DENND2B: variants seen among roughly 807,000 people sequenced by gnomAD.
The protein encoded by DENND2B is DENN domain-containing protein 2B.
In DENND2B, 32 loss-of-function variants were observed where a neutral mutation model predicts 116.0. The observed-to-expected ratio is 0.28, with a 90% CI of 0.21 to 0.37. The LOEUF (loss-of-function observed/expected upper bound fraction) is 0.37, where lower values mean the gene tolerates loss of function less well. Ranked by LOEUF, DENND2B falls within the 10% of genes least tolerant of loss-of-function variation. The probability of loss-of-function intolerance (pLI) is 1.00; values close to 1 mark genes in which losing one functional copy is unlikely to be tolerated. For synonymous variants in DENND2B, 588 were observed against 583.9 expected, an observed-to-expected ratio of 1.01 and a Z score of -0.10; for missense variants, 1,276 against 1,477.7, an observed-to-expected ratio of 0.86 and a Z score of 2.24.
upstream of DENND2B, among the ~76,000 whole-genome samples, chr11:8,873,340 C>G (rs1372654713): frequency 6.6e-6 from 1 of 152,176 alleles, no homozygotes; most frequent in Non-Finnish European, 1.5e-5. Flanking sequence ...GATATAAATA[C>G]TTGTTCTTTT....
At chr11:8,711,037 C>G in intron 10 of DENND2B, 85 bp downstream of exon 10, 2 of 1,559,036 alleles carry the variant, frequency 1.3e-6, no homozygotes, top group Non-Finnish European at 1.8e-6. Context: ...GAGGATGAGA[C>G]TAGAGCAGGC....
chr11:8,730,281 G>A lies in DENND2B; in HGVS notation c.1009C>T (p.Arg337Trp), dbSNP rs755172041. Residue 337 changes from arginine (R) to tryptophan (W), a missense_variant, in exon 3 of 20, where the codon CGG becomes TGG. Physicochemically the swap from Arg to Trp is moderately radical, Grantham distance 101 (BLOSUM62 -3). Transcript: ENST00000313726. This position sits in a 1 kb window ranked among gnomAD's most constrained non-coding sequence, Gnocchi z 4.1. ...AGGASVSAGSRAVGVAGVAGE... is the reference protein window; with the variant it reads ...AGGASVSAGSWAVGVAGVAGE... Reference sequence around the variant, plus strand: ...GCAACACCAGCCACTCCGACTGCCCGGCTGCCAGCGCTCACACTCGCGCCC... The same window carrying A: ...GCAACACCAGCCACTCCGACTGCCCAGCTGCCAGCGCTCACACTCGCGCCC... 6 of 1,608,914 alleles carry A rather than the reference G, an allele frequency of 3.7e-6. No homozygotes were observed. The highest frequency in any genetic ancestry group is 4.5e-5 in the East Asian group (2 of 44,866).
chr11:8,761,442 G>A (rs2054605082), intron 1 of DENND2B, among the ~76,000 whole-genome samples: 1 of 152,170 alleles, frequency 6.6e-6, no homozygotes, highest in East Asian at 1.9e-4. Flanking sequence ...GAACATGGTG[G>A]GTCCTGCAAT....
chr11:8,737,351 G>A (rs2049241975), intron 2 of DENND2B, among the ~76,000 whole-genome samples: 1 of 152,190 alleles, frequency 6.6e-6, no homozygotes. Context: ...GAGAAAAGAA[G>A]AAAACATGAA....
upstream of DENND2B, among the ~76,000 whole-genome samples, chr11:8,814,992 C>T (rs1566008410): frequency 6.6e-6 from 1 of 152,126 alleles, no homozygotes; most frequent in Non-Finnish European, 1.5e-5. Context: ...GTTTGTTTCC[C>T]AGAACTTTCC....
At chr11:8,734,789 C>CT (rs1283121511) in intron 2 of DENND2B, among the ~76,000 whole-genome samples, 1 of 65,088 alleles carries the variant, frequency 1.5e-5, no homozygotes, top group Non-Finnish European at 3.4e-5. Flanking sequence ...AAACAAGAGT[C>CT]TCAAAAAAAA....
chr11:8,730,770 G>A lies in DENND2B; in HGVS notation c.520C>T (p.Arg174Cys), dbSNP rs149905155. 33 of 1,609,574 alleles carry A rather than the reference G, an allele frequency of 2.1e-5. No homozygotes were observed. Among genetic ancestry groups the A allele is most frequent in the Non-Finnish European group, 2.7e-5 (32 of 1,177,042 alleles). The change falls in exon 3 of 20, where the codon CGC (arginine) becomes TGC (cysteine). Residue 174 changes from arginine (R) to cysteine (C), a missense_variant. Physicochemically the swap from Arg to Cys is radical, Grantham distance 180. This residue lies in a region of DENND2B where 856 missense variants were observed against 846.6 expected (regional missense o/e 1.01). Coordinates refer to ENST00000313726, the MANE Select transcript of DENND2B (RefSeq NM_213618.2). The surrounding 1 kb of genome is among the most constrained non-coding windows in gnomAD (Gnocchi z 4.1). ...CTCATCCTGGGCGACGCCTCTCGGCGACCTTCCCATGCTGATATCTTCTCC... is the reference window on the plus strand; with the variant it reads ...CTCATCCTGGGCGACGCCTCTCGGCAACCTTCCCATGCTGATATCTTCTCC... The part of the protein sequence containing the change: ...IREKISAWEG[R>C]REASPRMSMC...
In DENND2B at chr11:8,778,779, G is replaced by A. The variant is rs550443632; in HGVS notation, c.-25-28054C>T. Among the ~76,000 whole-genome samples the A allele has an allele frequency of 5.9e-5, 9 of 152,326 alleles. No homozygotes were observed. In the East Asian group the frequency reaches 1.7e-3, roughly 29 times the overall value. ...GGGCACACCCTGAACACCTGATTCT[G>A]TCACCTGCCTAAATGCTGATTACTG... On this transcript the variant is annotated intron_variant, in intron 1 of 19. Coordinates refer to ENST00000313726, the MANE Select transcript of DENND2B (RefSeq NM_213618.2).
intron 1 of DENND2B, among the ~76,000 whole-genome samples, chr11:8,907,215 A>G (rs377285690): frequency 1.3e-5 from 2 of 152,208 alleles, no homozygotes; most frequent in Non-Finnish European, 2.9e-5. Context: ...ACTCATATCA[A>G]TAGTTTATTT....
upstream of DENND2B, chr11:8,811,308 G>A (rs935145343): frequency 5.0e-6 from 2 of 398,454 alleles, no homozygotes; most frequent in African/African-American, 4.1e-5. Flanking sequence ...TGGTACTAGT[G>A]GTGGCGCCTA....
At chr11:8,876,119 C>T (rs1344397283), upstream of DENND2B, among the ~76,000 whole-genome samples, 1 of 152,102 alleles carries the variant, frequency 6.6e-6, no homozygotes, top group East Asian at 1.9e-4. Context: ...GGCATGGTGG[C>T]TCATACCTGT....
intron 4 of DENND2B, among the ~76,000 whole-genome samples, chr11:8,723,704 C>T (rs1243654050): frequency 2.0e-5 from 3 of 152,090 alleles, no homozygotes; most frequent in African/African-American, 7.2e-5. Flanking sequence ...TTCTGATGCC[C>T]CTAGCTCTTG....
At chr11:8,710,721 T>C in intron 11 of DENND2B, 124 bp downstream of exon 11, 3 of 1,034,524 alleles carry the variant, frequency 2.9e-6, no homozygotes, top group African/African-American at 1.6e-5. Flanking sequence ...AAGCATAACA[T>C]AGGATTTCAT....
In DENND2B at chr11:8,714,002, G is replaced by C. The variant is rs2044265329; in HGVS notation, c.1983C>G (p.Phe661Leu). ...SESESDSDDRFKAHTQRLVHI... is the reference protein window; with the variant it reads ...SESESDSDDRLKAHTQRLVHI... ...CTCATGGGAGCTGTGCCTCACCTTTGAACCTGTCATCAGAGTCGCTCTCGC... is the reference window on the plus strand; with the variant it reads ...CTCATGGGAGCTGTGCCTCACCTTTCAACCTGTCATCAGAGTCGCTCTCGC... Residue 661 changes from phenylalanine (F) to leucine (L), a missense_variant, in exon 8 of 20, where the codon TTC becomes TTG. Physicochemically the swap from Phe to Leu is conservative, Grantham distance 22 (BLOSUM62 0). Around this residue, in one of 2 missense-constraint regions of DENND2B, gnomAD observed 420 missense variants for 631.1 expected, o/e 0.67. Transcript: ENST00000313726. 2 of 1,613,980 alleles carry C rather than the reference G, an allele frequency of 1.2e-6. No homozygotes were observed. Among genetic ancestry groups the C allele is most frequent in the Non-Finnish European group, 1.7e-6 (2 of 1,180,046 alleles).
chr11:8,710,999 TG>T (rs765794674), intron 10 of DENND2B, 85 bp from the exon 11 acceptor site: 100 of 1,580,794 alleles, frequency 6.3e-5, no homozygotes, highest in Non-Finnish European at 8.1e-5. Flanking sequence ...CATTTTCACG[TG>T]GGGTGAAGGG....
At chr11:8,812,197 T>A (rs2061410200), upstream of DENND2B, among the ~76,000 whole-genome samples, 1 of 152,230 alleles carries the variant, frequency 6.6e-6, no homozygotes, top group Non-Finnish European at 1.5e-5. Flanking sequence ...TTTCAAAAAC[T>A]GTCAACTTTT....
chr11:8,785,152 C>A (rs1210618587), intron 1 of DENND2B: 1 of 152,158 alleles, frequency 6.6e-6, no homozygotes, highest in African/African-American at 2.4e-5. Context: ...ACTTTTACCC[C>A]TAGGCTTTTG....
Position 8,730,890 on chromosome 11 carries a change from G to C in DENND2B, c.400C>G (p.Leu134Val). ...DVAGVAACLPLAQSTPFPGPA... is the reference protein window; with the variant it reads ...DVAGVAACLPVAQSTPFPGPA... ...CCCGGGAATGGCGTGCTCTGGGCAAGGGGGAGGCAGGCAGCGACCCCTGCT... is the reference window on the plus strand; with the variant it reads ...CCCGGGAATGGCGTGCTCTGGGCAACGGGGAGGCAGGCAGCGACCCCTGCT... The change falls in exon 3 of 20, where the codon CTT becomes GTT. Residue 134 changes from leucine to valine, a missense_variant. Around this residue, in one of 2 missense-constraint regions of DENND2B, gnomAD observed 856 missense variants for 846.6 expected, o/e 1.01. Transcript: ENST00000313726. This position sits in a 1 kb window ranked among gnomAD's most constrained non-coding sequence, Gnocchi z 4.1. The C allele has an allele frequency of 7.4e-6, 12 of 1,613,986 alleles. No individual in the cohort carries two copies. The highest frequency in any genetic ancestry group is 1.0e-5 in the Non-Finnish European group (12 of 1,180,052).
At chr11:8,787,326 G>C (rs1334185468) in intron 1 of DENND2B, 1 of 139,710 alleles carries the variant, frequency 7.2e-6, no homozygotes, top group Non-Finnish European at 1.5e-5. Flanking sequence ...GCATAAAGCA[G>C]AGCTGACAGT....
Sources: allele counts gnomAD v4.1 joint callset (sites outside exome capture counted in the v4.1 genomes callset), GRCh38; gene constraint gnomAD v4.1.1; regional missense constraint gnomAD v4.1.1; non-coding constraint Gnocchi (gnomAD v3.1); transcripts MANE v1.5; gene names NCBI Gene and HGNC (gene_info 2026-07-23, HGNC 2026-07-21).